Variants in TMEM266 observed in about 807,000 individuals in gnomAD.
TMEM266 encodes the protein transmembrane protein 266.
Under a neutral mutation model 50.5 loss-of-function variants are expected in TMEM266, and 33 were observed. The ratio of observed to expected loss-of-function variants is 0.65; its 90% CI spans 0.50 to 0.87. TMEM266 has a LOEUF of 0.87. Among genes scored for constraint, TMEM266 ranks in the 40% least tolerant of loss-of-function variants. The probability of loss-of-function intolerance (pLI) is 0.00; values close to 1 mark genes in which losing one functional copy is unlikely to be tolerated. For missense variants in TMEM266, 655 were observed against 695.1 expected (o/e 0.94, Z 0.65); for synonymous variants, 310 against 292.3 (o/e 1.06, Z -0.62).
intron 1 of TMEM266, among the ~76,000 whole-genome samples, chr15:76,061,830 C>T (rs2036308957): frequency 6.6e-6 from 1 of 152,202 alleles, no homozygotes; most frequent in Non-Finnish European, 1.5e-5. Flanking sequence ...CTCCTTGCTG[C>T]CCTTCACACT....
chr15:76,107,323 A>G (rs2037098290), intron 1 of TMEM266, among the ~76,000 whole-genome samples: 2 of 152,284 alleles, frequency 1.3e-5, no homozygotes, highest in African/African-American at 2.4e-5. Context: ...CTGCATTTCA[A>G]GTGCTCAGCA....
chr15:76,204,187 C>G lies in TMEM266; in HGVS notation c.1468C>G (p.Gln490Glu). 5 of 1,613,880 alleles carry G rather than the reference C, an allele frequency of 3.1e-6. No homozygotes were observed. The highest frequency in any genetic ancestry group is 4.2e-6 in the Non-Finnish European group (5 of 1,180,028). The change falls in exon 11 of 11, where the codon CAG becomes GAG. Residue 490 changes from glutamine to glutamate, a missense_variant. Transcript: ENST00000388942. ...GGTAAGTCTGTTCAACCAGAAGAAC[C>G]AGGAGGGCTTCACTGTCTTTCAGAT... is the stretch of plus-strand genomic sequence containing the variant.
At chr15:76,200,870 G>A (rs910180700) in intron 9 of TMEM266, among the ~76,000 whole-genome samples, 2 of 152,194 alleles carry the variant, frequency 1.3e-5, no homozygotes, top group South Asian at 2.1e-4. Context: ...ACCTCTGACT[G>A]CAGGCATTTA....
In TMEM266 at chr15:76,134,312, C is replaced by T. The variant is rs760661459; in HGVS notation, c.38+11C>T. The T allele has an allele frequency of 1.9e-6, 3 of 1,611,950 alleles. No homozygotes were observed. Among genetic ancestry groups the T allele is most frequent in the Admixed American group, 1.7e-5 (1 of 59,984 alleles). On this transcript the variant is annotated intron_variant, in intron 2 of 10. Transcript: ENST00000388942. ...CATGACCAATCCACAGTAAGTAATG[C>T]TGGGATCTGCTCTCTGGATCCAGAA...
intron 3 of TMEM266, among the ~76,000 whole-genome samples, chr15:76,146,225 C>G (rs1187356129): frequency 6.6e-6 from 1 of 152,116 alleles, no homozygotes; most frequent in South Asian, 2.1e-4. Context: ...GTCGTCACCC[C>G]CACTTTATAA....
intron 1 of TMEM266, among the ~76,000 whole-genome samples, chr15:76,102,719 A>G (rs1042332692): frequency 2.0e-5 from 3 of 151,776 alleles, no homozygotes; most frequent in Non-Finnish European, 2.9e-5. Context: ...TGTGCCTGTA[A>G]TCCCAGCTAC....
Position 76,168,596 on chromosome 15 carries a change from G to A in TMEM266, c.457-1220G>A, listed in dbSNP as rs1358176767. 6.6e-6 allele frequency among the ~76,000 whole-genome samples: 1 copy of A among 152,236 alleles called. No homozygotes were observed. The highest frequency in any genetic ancestry group is 2.4e-5 in the African/African-American group (1 of 41,456). ...CTTTGGAGAAAGATGTCCTCTTGGT[G>A]AGGAAACCGCTCCTGAAGGCAGCAC... On this transcript the variant is annotated intron_variant, in intron 5 of 10. Coordinates refer to ENST00000388942, the MANE Select transcript of TMEM266 (RefSeq NM_152335.3). This position sits in a 1 kb window ranked among gnomAD's most constrained non-coding sequence, Gnocchi z 4.4.
intron 1 of TMEM266, chr15:76,113,528 T>TA (rs1220320232): frequency 6.6e-6 from 1 of 152,316 alleles, no homozygotes; most frequent in Non-Finnish European, 1.5e-5. Flanking sequence ...GCATGTTCAG[T>TA]AAGCAGTAGG....
At chr15:76,084,846 C>T (rs1370621040) in intron 1 of TMEM266, among the ~76,000 whole-genome samples, 1 of 152,024 alleles carries the variant, frequency 6.6e-6, no homozygotes, top group Non-Finnish European at 1.5e-5. Flanking sequence ...CGTGATCTGC[C>T]TGCCTTGGCC....
chr15:76,192,106 G>T lies in TMEM266; in HGVS notation c.907G>T (p.Asp303Tyr), dbSNP rs1427527594. The T allele has an allele frequency of 2.1e-6, 3 of 1,423,964 alleles. No individual in the cohort carries two copies. In the South Asian group the frequency reaches 4.5e-5, roughly 21 times the overall value. The allele number at this position is 1,423,964 out of a possible 1,614,324, so 88.2% of individuals were successfully genotyped here. ...CAAAGTGTTGGAGGCCGGCACGTGG[G>T]ACGAGGAGACGGCGGCCGAGAGCGT... The change falls in exon 9 of 11, where the codon GAC becomes TAC. Residue 303 changes from aspartate to tyrosine, a missense_variant. Physicochemically the swap from Asp to Tyr is radical, Grantham distance 160 (BLOSUM62 -3). Around this residue, in one of 3 missense-constraint regions of TMEM266, gnomAD observed 455 missense variants for 401.8 expected, o/e 1.13. Coordinates refer to ENST00000388942, the MANE Select transcript of TMEM266 (RefSeq NM_152335.3).
At position 76,156,664 on chromosome 15, in the gene TMEM266, C is replaced by T; in HGVS notation, c.288C>T (p.Leu96=). ...CAGCCGTGTGGCAGGTATTTTTGCT[C>T]AGTGCAAGTCTCAACAGTTTCCTGG... ...FLLSASLNSF[L]VACVILVVIL... The change falls in exon 4 of 11, where the codon CTC becomes CTT. Residue 96 remains leucine, a synonymous_variant. Transcript: ENST00000388942. 6.2e-7 allele frequency: 1 copy of T among 1,614,174 alleles called. No homozygotes were observed. The highest frequency in any genetic ancestry group is 8.5e-7 in the Non-Finnish European group (1 of 1,180,006).
chr15:76,187,474 G>T (rs1186617314), intron 8 of TMEM266, among the ~76,000 whole-genome samples: 1 of 152,254 alleles, frequency 6.6e-6, no homozygotes, highest in East Asian at 1.9e-4. Context: ...AGCAGAGCTT[G>T]GGAGGGTTGC....
intron 8 of TMEM266, among the ~76,000 whole-genome samples, chr15:76,186,397 T>TGTCCCAGCCTGTGACTGGGCC (rs2038490955): frequency 6.6e-6 from 1 of 152,224 alleles, no homozygotes; most frequent in East Asian, 1.9e-4. Flanking sequence ...TCCCCTGGGC[T>TGTCCCAGCCTGTGACTGGGCC]GTCCCAGCCT....
intron 5 of TMEM266, among the ~76,000 whole-genome samples, chr15:76,167,156 A>G (rs1487531086): frequency 6.6e-6 from 1 of 152,150 alleles, no homozygotes; most frequent in Non-Finnish European, 1.5e-5. Context: ...CAGCACAATT[A>G]CAGGGGTTGG....
At chr15:76,184,115 C>T (rs925909204) in intron 8 of TMEM266, among the ~76,000 whole-genome samples, 2 of 152,222 alleles carry the variant, frequency 1.3e-5, no homozygotes, top group South Asian at 4.1e-4. Context: ...TGGTTCCATG[C>T]TGGCTCCAGG....
intron 8 of TMEM266, among the ~76,000 whole-genome samples, chr15:76,184,786 C>A (rs922469297): frequency 6.6e-6 from 1 of 152,226 alleles, no homozygotes; most frequent in Non-Finnish European, 1.5e-5. Flanking sequence ...ATGGAAGGGG[C>A]CTGACTCACT....
chr15:76,155,814 C>CT (rs1205936690), intron 3 of TMEM266, among the ~76,000 whole-genome samples: 1 of 152,140 alleles, frequency 6.6e-6, no homozygotes, highest in African/African-American at 2.4e-5. Context: ...TCAAATCTTC[C>CT]TTTTTATAGC....
At chr15:76,092,130 C>G (rs1290737474) in intron 1 of TMEM266, among the ~76,000 whole-genome samples, 1 of 152,060 alleles carries the variant, frequency 6.6e-6, no homozygotes, top group Admixed American at 6.5e-5. Context: ...TGAACTTTCT[C>G]TATCCAGCAA....
At chr15:76,088,451 G>C (rs1032974468) in intron 1 of TMEM266, among the ~76,000 whole-genome samples, 1 of 152,114 alleles carries the variant, frequency 6.6e-6, no homozygotes, top group Admixed American at 6.6e-5. Flanking sequence ...CCAGGAGTTC[G>C]AGACCAACCT....
Sources: gnomAD v4.1 joint callset for allele counts (sites outside exome capture counted in the v4.1 genomes callset) on GRCh38, gnomAD v4.1.1 for gene constraint, gnomAD v4.1.1 regional missense constraint, Gnocchi (gnomAD v3.1) non-coding constraint, MANE v1.5 for transcripts, NCBI Gene and HGNC (gene_info 2026-07-23, HGNC 2026-07-21) for gene names.